KLHL13: variants seen among roughly 807,000 people sequenced by gnomAD.
KLHL13 encodes kelch like family member 13, also known as kelch-like protein 13.
Under a neutral mutation model 37.1 loss-of-function variants are expected in KLHL13, and 10 were observed. The observed-to-expected ratio is 0.27, with a 90% CI of 0.17 to 0.46. KLHL13 has a LOEUF of 0.46. KLHL13 is among the 20% of genes least tolerant of loss of function. KLHL13 has a pLI of 1.00. For synonymous variants in KLHL13, 163 were observed against 181.2 expected (o/e 0.90, Z 0.81); for missense variants, 360 against 509.3 (o/e 0.71, Z 2.82).
At chrX:118,014,369 C>T (rs1363514016) in intron 1 of KLHL13, among the ~76,000 whole-genome samples, 2 of 111,777 alleles carry the variant, frequency 1.8e-5, no homozygotes, top group African/African-American at 6.5e-5. Context: ...TCCTGCAGTG[C>T]CTTCAGGCTT....
At chrX:118,016,624 C>G (rs751769618) in intron 1 of KLHL13, among the ~76,000 whole-genome samples, 1 of 111,656 alleles carries the variant, frequency 9.0e-6, no homozygotes, top group South Asian at 3.8e-4. Context: ...AAAGGGCTCC[C>G]TTAGGCATAA....
chrX:118,052,781 C>T (rs893829558), intron 1 of KLHL13, among the ~76,000 whole-genome samples: 29 of 108,923 alleles, frequency 2.7e-4, no homozygotes, highest in Non-Finnish European at 5.3e-4. Flanking sequence ...GAGCCAAGAT[C>T]GTACCACTGC....
intron 1 of KLHL13, 54 bp downstream of exon 2, chrX:118,028,370 A>C: frequency 1.4e-6 from 1 of 710,517 alleles, no homozygotes; most frequent in Non-Finnish European, 2.1e-6. Context: ...CTGCTATGTT[A>C]GGTATATAAA....
intron 1 of KLHL13, among the ~76,000 whole-genome samples, chrX:118,089,669 A>AGAAAGAAAGAAAGAAAGAAAGAAAGAAG (rs1556002570): frequency 1.1e-5 from 1 of 88,077 alleles, no homozygotes; most frequent in African/African-American, 4.6e-5. Flanking sequence ...AAAGAAAGAA[A>AGAAAGAAAGAAAGAAAGAAAGAAAGAAG]AAAGAAAGTT....
At chrX:118,098,596 A>G (rs2055242903) in intron 1 of KLHL13, among the ~76,000 whole-genome samples, 1 of 109,249 alleles carries the variant, frequency 9.2e-6, no homozygotes. Flanking sequence ...AAGGATTATA[A>G]ATCATGCTGC....
At chrX:118,089,630 GAAAGAAAGAAAGAA>G (rs2055102513) in intron 1 of KLHL13, among the ~76,000 whole-genome samples, 1 of 96,871 alleles carries the variant, frequency 1.0e-5, no homozygotes, top group Non-Finnish European at 2.1e-5. Context: ...GAGAAAGAAA[GAAAGAAAGAAAGAA>G]AGAAAGAAAG....
chrX:117,947,351 A>G (rs1476759024), intron 1 of KLHL13: 1 of 112,132 alleles, frequency 8.9e-6, no homozygotes, highest in African/African-American at 3.2e-5. Context: ...TGTCCTCTGA[A>G]TGAATACAGA....
chrX:118,082,282 T>C (rs1441198410), intron 1 of KLHL13, among the ~76,000 whole-genome samples: 3 of 110,954 alleles, frequency 2.7e-5, no homozygotes, highest in African/African-American at 9.9e-5. Flanking sequence ...ATTTCATGTC[T>C]TTTTGATAAT....
intron 1 of KLHL13, among the ~76,000 whole-genome samples, chrX:118,098,395 G>C (rs1466760303): frequency 1.8e-5 from 2 of 111,363 alleles, no homozygotes; most frequent in African/African-American, 3.3e-5. Flanking sequence ...ACACCAGTTA[G>C]AATGGCAATC....
exon 7 of KLHL13, chrX:117,899,145 C>T: frequency 8.3e-7 from 1 of 1,211,936 alleles, no homozygotes; most frequent in Non-Finnish European, 1.1e-6. Context: ...CAACATCACT[C>T]TGCCCTCTTA....
intron 1 of KLHL13, among the ~76,000 whole-genome samples, chrX:118,021,244 T>G (rs1006007563): frequency 1.8e-5 from 2 of 108,476 alleles, no homozygotes; most frequent in African/African-American, 6.7e-5. Flanking sequence ...TATCTCCTTT[T>G]TTTTTATTAT....
chrX:118,097,098 G>A (rs1310034681), intron 1 of KLHL13, among the ~76,000 whole-genome samples: 1 of 111,017 alleles, frequency 9.0e-6, no homozygotes, highest in Admixed American at 9.6e-5. Context: ...GCAGGAGAAG[G>A]AAATAAAGGG....
At chrX:117,966,399 G>C (rs1408401270) in intron 1 of KLHL13, among the ~76,000 whole-genome samples, 1 of 110,687 alleles carries the variant, frequency 9.0e-6, no homozygotes, top group African/African-American at 3.3e-5. Flanking sequence ...ACTGCTCAAG[G>C]AAATAAAAGA....
intron 1 of KLHL13, among the ~76,000 whole-genome samples, chrX:118,048,278 C>G (rs1362821196): frequency 3.6e-5 from 4 of 111,428 alleles, no homozygotes; most frequent in African/African-American, 1.3e-4. Flanking sequence ...AAAATGTAAA[C>G]TGAAGAAGTA....
At chrX:117,926,937 GCT>G (rs1490323239) in intron 2 of KLHL13, among the ~76,000 whole-genome samples, 6 of 73,986 alleles carry the variant, frequency 8.1e-5, no homozygotes, top group Non-Finnish European at 1.4e-4. Context: ...ATGGAGTCTC[GCT>G]CTGTCGCCCA....
intron 1 of KLHL13, among the ~76,000 whole-genome samples, chrX:118,006,105 A>G (rs753659060): frequency 1.8e-5 from 2 of 111,608 alleles, no homozygotes; most frequent in Admixed American, 1.9e-4. Flanking sequence ...CCATCTCCCT[A>G]CCACCCAGTG....
chrX:118,013,216 T>C (rs2054090240), intron 1 of KLHL13, among the ~76,000 whole-genome samples: 1 of 111,586 alleles, frequency 9.0e-6, no homozygotes, highest in Non-Finnish European at 1.9e-5. Flanking sequence ...ATGAGTCTTA[T>C]GGAGAGAATT....
chrX:117,921,533 A>T (rs770689811), intron 2 of KLHL13, among the ~76,000 whole-genome samples: 1 of 112,081 alleles, frequency 8.9e-6, no homozygotes, highest in African/African-American at 3.2e-5. Flanking sequence ...GTTTCATTAT[A>T]AAAAACCAGG....
intron 2 of KLHL13, among the ~76,000 whole-genome samples, chrX:117,943,385 T>TGG (rs1289643201): frequency 1.8e-5 from 2 of 111,244 alleles, no homozygotes; most frequent in African/African-American, 6.5e-5. Context: ...CTTGCTAGGT[T>TGG]GGGGAAGTTC....
Sources: gnomAD v4.1 joint callset for allele counts (sites outside exome capture counted in the v4.1 genomes callset) on GRCh38, gnomAD v4.1.1 for gene constraint, MANE v1.5 for transcripts, NCBI Gene and HGNC (gene_info 2026-07-23, HGNC 2026-07-21) for gene names.